FAM53A: variants seen among roughly 807,000 people sequenced by gnomAD.
The protein encoded by FAM53A is family with sequence similarity 53 member A.
A neutral mutation model predicts 26.6 loss-of-function variants in FAM53A; 28 were observed. The observed-to-expected ratio is 1.05, with a 90% CI of 0.78 to 1.45. FAM53A has a LOEUF of 1.45. Among genes scored for constraint, FAM53A ranks in the 40% most tolerant of loss-of-function variants. FAM53A has a pLI of 0.00. For synonymous variants in FAM53A, 290 were observed against 253.1 expected, an observed-to-expected ratio of 1.15 and a Z score of -1.38; for missense variants, 650 against 575.8, an observed-to-expected ratio of 1.13 and a Z score of -1.32.
chr4:1,574,671 G>T, the FAM53A span: 1 of 152,656 alleles, frequency 6.6e-6, no homozygotes, highest in Non-Finnish European at 1.5e-5. Context: ...CTCTGTCCCA[G>T]CCCCTCCTGT....
Position 1,655,582 on chromosome 4 carries a change from G to A in FAM53A, c.278C>T (p.Pro93Leu). ...GLQWQPQSPR[P>L]GAGLGAASTV... is the part of the protein sequence containing the mutation. The stretch of plus-strand genomic sequence containing the variant: ...GCTGGCTGCACCCAGGCCTGCGCCT[G>A]GGCGCGGGGACTGTGGCTGCCACTG... Residue 93 changes from proline (P) to leucine (L), a missense_variant, in exon 4 of 5, where the codon CCA becomes CTA. Pro to Leu is a moderately conservative substitution (Grantham distance 98). Transcript: ENST00000308132. The A allele has an allele frequency of 6.3e-7, 1 of 1,582,874 alleles. No individual in the cohort carries two copies. Among genetic ancestry groups the A allele is most frequent in the Non-Finnish European group, 8.6e-7 (1 of 1,163,420 alleles).
the FAM53A span, among the ~76,000 whole-genome samples, chr4:1,602,886 T>C: frequency 6.6e-6 from 1 of 152,218 alleles, no homozygotes; most frequent in East Asian, 1.9e-4. Flanking sequence ...ACCAGGGCCA[T>C]GGTTCACACC....
intron 1 of FAM53A, among the ~76,000 whole-genome samples, chr4:1,681,531 T>C (rs532899749): frequency 7.5e-4 from 114 of 151,714 alleles, no homozygotes; most frequent in African/African-American, 2.8e-3. Flanking sequence ...ATCTTTTTTT[T>C]TTTTTTTTGA....
chr4:1,678,172 T>C (rs1023171003), intron 1 of FAM53A, among the ~76,000 whole-genome samples: 1 of 151,980 alleles, frequency 6.6e-6, no homozygotes, highest in Non-Finnish European at 1.5e-5. Context: ...CTGGGCAACA[T>C]AGCAAGACTC....
chr4:1,660,867 C>A (rs1713780218), intron 2 of FAM53A, among the ~76,000 whole-genome samples: 1 of 151,768 alleles, frequency 6.6e-6, no homozygotes, highest in Admixed American at 6.6e-5. Flanking sequence ...GGTGACAGAG[C>A]CAGACTCCAT....
chr4:1,647,583 G>A (rs957556261), intron 4 of FAM53A, among the ~76,000 whole-genome samples: 9 of 152,332 alleles, frequency 5.9e-5, no homozygotes, highest in South Asian at 2.1e-4. Context: ...GAACACAGTT[G>A]CGCACGCAGA....
At chr4:1,616,276 G>A (rs1358095877), downstream of FAM53A, among the ~76,000 whole-genome samples, 2 of 152,218 alleles carry the variant, frequency 1.3e-5, no homozygotes, top group African/African-American at 4.8e-5. Context: ...GACAGTGCCA[G>A]GAGCCCAGGA....
the FAM53A span, among the ~76,000 whole-genome samples, chr4:1,586,557 C>T: frequency 2.2e-4 from 33 of 151,872 alleles, no homozygotes; most frequent in Admixed American, 2.0e-3. Flanking sequence ...GGGCGGATCA[C>T]GAGGTCAGAA....
At chr4:1,586,914 T>A in the FAM53A span, among the ~76,000 whole-genome samples, 2 of 152,240 alleles carry the variant, frequency 1.3e-5, no homozygotes, top group South Asian at 2.1e-4. Context: ...ATCTTTCATC[T>A]TTTTGATAGT....
In FAM53A at chr4:1,641,434, C is replaced by G. The variant is rs769097428; in HGVS notation, c.1056G>C (p.Leu352=). The change falls in exon 5 of 5, where the codon CTG becomes CTC. Residue 352 remains leucine (L), a synonymous_variant. Transcript: ENST00000308132. ...TGGTCACCGACTCCCTAGAGGCCCA[C>G]AGGTTGGGGTGGACAGGGCTGGTCC... ...GLRTSPVHPN[L]WASRESVTSD... 1 of 1,613,148 alleles carries G rather than the reference C, an allele frequency of 6.2e-7. No individual in the cohort carries two copies. The highest frequency in any genetic ancestry group is 8.5e-7 in the Non-Finnish European group (1 of 1,179,628).
At chr4:1,651,307 G>A (rs896675211) in intron 4 of FAM53A, among the ~76,000 whole-genome samples, 6 of 151,808 alleles carry the variant, frequency 4.0e-5, no homozygotes, top group East Asian at 1.9e-4. Flanking sequence ...CGAGGCAGGC[G>A]GATCACCTGA....
intron 1 of FAM53A, among the ~76,000 whole-genome samples, chr4:1,669,997 G>T (rs1024487172): frequency 6.6e-6 from 1 of 152,210 alleles, no homozygotes; most frequent in Admixed American, 6.5e-5. Flanking sequence ...CAAAGCCCAG[G>T]CCTCACCACC....
intron 1 of FAM53A, among the ~76,000 whole-genome samples, chr4:1,627,086 G>A (rs547029166): frequency 1.3e-5 from 2 of 152,304 alleles, no homozygotes; most frequent in South Asian, 2.1e-4. Flanking sequence ...AGGCCAGGAG[G>A]GTGGGGCTTC....
the FAM53A span, among the ~76,000 whole-genome samples, chr4:1,604,009 G>C: frequency 6.6e-6 from 1 of 152,212 alleles, no homozygotes; most frequent in Non-Finnish European, 1.5e-5. Flanking sequence ...CCTCCAGCCT[G>C]CCAGAAAAGC....
At chr4:1,632,684 A>C (rs1715660886) in intron 1 of FAM53A, among the ~76,000 whole-genome samples, 1 of 152,228 alleles carries the variant, frequency 6.6e-6, no homozygotes, top group Admixed American at 6.5e-5. Context: ...AAGCCACAGA[A>C]CGCTCCACAG....
intron 1 of FAM53A, chr4:1,683,597 G>A (rs1316127849): frequency 6.6e-6 from 1 of 152,184 alleles, no homozygotes; most frequent in Non-Finnish European, 1.5e-5. Context: ...GAAACATCAA[G>A]TGTGAGTCTG....
chr4:1,651,580 A>T (rs925001022), intron 4 of FAM53A, among the ~76,000 whole-genome samples: 1 of 151,656 alleles, frequency 6.6e-6, no homozygotes, highest in African/African-American at 2.4e-5. Flanking sequence ...GCCAACTAGG[A>T]TGATGTCTCA....
rs1455885434 is a variant in FAM53A at position 1,659,077 on chromosome 4, T to C, written c.76-1609A>G. 2.0e-5 allele frequency among the ~76,000 whole-genome samples: 3 copies of C among 152,252 alleles called. No individual in the cohort carries two copies. Among genetic ancestry groups the C allele is most frequent in the Admixed American group, 6.5e-5 (1 of 15,288 alleles). ...TCCTGTAAAGGGAATAAGTTAAAAG[T>C]TGGGTTTGTGACCCCGAAAAAAGAC... On this transcript the variant is annotated intron_variant, in intron 2 of 4. Transcript: ENST00000308132. This position sits in a 1 kb window ranked among gnomAD's most constrained non-coding sequence, Gnocchi z 5.2.
At chr4:1,601,764 G>A in the FAM53A span, among the ~76,000 whole-genome samples, 1 of 107,684 alleles carries the variant, frequency 9.3e-6, no homozygotes, top group African/African-American at 3.0e-5. Context: ...GTCCCTCCTG[G>A]GGGCCCTAAG....
Sources: allele counts gnomAD v4.1 joint callset (sites outside exome capture counted in the v4.1 genomes callset), GRCh38; gene constraint gnomAD v4.1.1; non-coding constraint Gnocchi (gnomAD v3.1); transcripts MANE v1.5; gene names NCBI Gene and HGNC (gene_info 2026-07-23, HGNC 2026-07-21).